The following MTREX variants were observed in gnomAD, a reference collection of about 807,000 sequenced individuals.
MTREX encodes the protein exosome RNA helicase MTR4.
In MTREX, 76 loss-of-function variants were observed where a neutral mutation model predicts 135.4. The ratio of observed to expected loss-of-function variants is 0.56; its 90% CI spans 0.47 to 0.68. The LOEUF (loss-of-function observed/expected upper bound fraction) is 0.68. Ranked by LOEUF, MTREX falls within the 30% of genes least tolerant of loss-of-function variation. The probability of loss-of-function intolerance (pLI) is 0.00; values close to 1 mark genes in which losing one functional copy is unlikely to be tolerated. For synonymous variants in MTREX, 404 were observed against 401.6 expected, an observed-to-expected ratio of 1.01 and a Z score of -0.07; for missense variants, 920 against 1,262.1, an observed-to-expected ratio of 0.73 and a Z score of 4.11.
chr5:55,368,908 T>A (rs533390414), intron 16 of MTREX, among the ~76,000 whole-genome samples: 70 of 152,302 alleles, frequency 4.6e-4, no homozygotes, highest in African/African-American at 1.3e-3. Context: ...GAATTTTTTT[T>A]AAAAACCTTA....
chr5:55,420,933 C>T (rs1751045191), intron 25 of MTREX, among the ~76,000 whole-genome samples: 1 of 152,106 alleles, frequency 6.6e-6, no homozygotes, highest in African/African-American at 2.4e-5. Flanking sequence ...GACTTGTATA[C>T]TTTAACATGG....
chr5:55,315,237 CCTT>C (rs1399661747), intron 1 of MTREX, among the ~76,000 whole-genome samples: 2 of 152,152 alleles, frequency 1.3e-5, no homozygotes, highest in East Asian at 3.9e-4. Flanking sequence ...GATAGTTGGT[CCTT>C]CTTAATTTTT....
intron 25 of MTREX, among the ~76,000 whole-genome samples, chr5:55,418,926 C>G (rs1751013532): frequency 6.6e-6 from 1 of 152,148 alleles, no homozygotes; most frequent in African/African-American, 2.4e-5. Flanking sequence ...TCACTGCACC[C>G]TCCATCTCCC....
At chr5:55,380,120 T>G (rs1157305843) in intron 18 of MTREX, among the ~76,000 whole-genome samples, 3 of 152,054 alleles carry the variant, frequency 2.0e-5, no homozygotes, top group Admixed American at 1.3e-4. Context: ...TTTTTGTATT[T>G]TTAGTAGAGA....
intron 15 of MTREX, among the ~76,000 whole-genome samples, chr5:55,359,001 A>T (rs1749965866): frequency 6.6e-6 from 1 of 152,200 alleles, no homozygotes. Flanking sequence ...CATCCACTGC[A>T]CAAGTTGTTC....
At chr5:55,367,566 C>T (rs1211212065) in intron 16 of MTREX, among the ~76,000 whole-genome samples, 1 of 151,564 alleles carries the variant, frequency 6.6e-6, no homozygotes, top group Non-Finnish European at 1.5e-5. Flanking sequence ...CTGGCATAAG[C>T]CTGTGAATGT....
intron 14 of MTREX, chr5:55,356,787 A>G (rs1749924055): frequency 2.0e-5 from 3 of 153,608 alleles, no homozygotes; most frequent in South Asian, 2.0e-4. Flanking sequence ...CTGGTGTGCC[A>G]TAGGTGGTCT....
chr5:55,363,791 C>G (rs1184568516), intron 15 of MTREX, among the ~76,000 whole-genome samples: 1 of 152,130 alleles, frequency 6.6e-6, no homozygotes, highest in East Asian at 1.9e-4. Flanking sequence ...CCTCTCTAAG[C>G]CTCTGTTTCT....
At chr5:55,389,559 A>G (rs1432528234) in intron 19 of MTREX, among the ~76,000 whole-genome samples, 1 of 152,190 alleles carries the variant, frequency 6.6e-6, no homozygotes, top group East Asian at 1.9e-4. Flanking sequence ...GCAGCTTAAT[A>G]AGGAAGCATT....
At chr5:55,358,497 TAA>T in intron 14 of MTREX, 74 bp from the exon 15 acceptor site, 1 of 1,258,766 alleles carries the variant, frequency 7.9e-7, no homozygotes, top group Non-Finnish European at 1.1e-6. Flanking sequence ...ATAAATTTTA[TAA>T]AAAGAGAAAT....
At chr5:55,334,254 G>C (rs1248378323) in intron 5 of MTREX, among the ~76,000 whole-genome samples, 1 of 152,028 alleles carries the variant, frequency 6.6e-6, no homozygotes, top group Non-Finnish European at 1.5e-5. Flanking sequence ...GGAGGTACTG[G>C]TTGCCTAACG....
At chr5:55,400,505 G>T (rs1263469704) in intron 21 of MTREX, 84 bp downstream of exon 21, 1 of 948,530 alleles carries the variant, frequency 1.1e-6, no homozygotes, top group African/African-American at 1.7e-5. Flanking sequence ...TATCCTGTTG[G>T]TTTAATTGGC....
chr5:55,325,263 G>A (rs1225759368), intron 3 of MTREX, among the ~76,000 whole-genome samples: 1 of 149,008 alleles, frequency 6.7e-6, no homozygotes, highest in Non-Finnish European at 1.5e-5. Context: ...TCAGGAGGTG[G>A]TACATATGCA....
chr5:55,409,500 T>C lies in MTREX; in HGVS notation c.2646-1024T>C, dbSNP rs1459398472. Among the ~76,000 whole-genome samples, 6 of 152,332 alleles carry C rather than the reference T, an allele frequency of 3.9e-5. No homozygotes were observed. In the East Asian group the frequency reaches 1.2e-3, roughly 29 times the overall value. On this transcript the variant is annotated intron_variant, in intron 22 of 26. Transcript: ENST00000230640. ...GATGAAGAAATTTTTTAAAACCTGTTGAATTGATCATTCTAATCTTTGTAA... is the reference window on the plus strand; with the variant it reads ...GATGAAGAAATTTTTTAAAACCTGTCGAATTGATCATTCTAATCTTTGTAA...
intron 5 of MTREX, among the ~76,000 whole-genome samples, chr5:55,333,939 A>G (rs1376968205): frequency 2.6e-5 from 4 of 152,160 alleles, no homozygotes; most frequent in African/African-American, 9.7e-5. Flanking sequence ...AACAATCCAG[A>G]TGTCCATCAG....
chr5:55,329,610 G>GA (rs1749437755), intron 5 of MTREX, among the ~76,000 whole-genome samples: 1 of 152,120 alleles, frequency 6.6e-6, no homozygotes, highest in Non-Finnish European at 1.5e-5. Flanking sequence ...CTACTGATGA[G>GA]AAAATCTTAA....
rs1490725551 is a variant in MTREX, at chr5:55,324,284, A to G, written c.339+86A>G. On this transcript the variant is annotated intron_variant, in intron 3 of 26. Coordinates refer to ENST00000230640, the MANE Select transcript of MTREX (RefSeq NM_015360.5). ...TAGTATGATGATCAGCAAACAGTTT[A>G]GCCATGAGGACCTTGGAAACAATAA... 1.7e-5 allele frequency: 15 copies of G among 873,090 alleles called. No homozygotes were observed. The East Asian group carries it at 4.0e-4, about 24-fold the overall frequency. 54.1% of individuals were successfully genotyped at this position (873,090 alleles called of 1,614,324 possible).
chr5:55,318,077 C>T (rs1180450923), intron 1 of MTREX, among the ~76,000 whole-genome samples: 1 of 152,168 alleles, frequency 6.6e-6, no homozygotes, highest in African/African-American at 2.4e-5. Flanking sequence ...GAGATACCAT[C>T]TAACACCAGT....
At chr5:55,315,763 T>C (rs1749188458) in intron 1 of MTREX, among the ~76,000 whole-genome samples, 1 of 151,192 alleles carries the variant, frequency 6.6e-6, no homozygotes, top group Admixed American at 6.6e-5. Context: ...TACAGTGAAG[T>C]ATAAGACTGT....
Sources: gnomAD v4.1 joint callset for allele counts (sites outside exome capture counted in the v4.1 genomes callset) on GRCh38, gnomAD v4.1.1 for gene constraint, MANE v1.5 for transcripts, NCBI Gene and HGNC (gene_info 2026-07-23, HGNC 2026-07-21) for gene names.